The following AMMECR1 variants were observed in gnomAD, a reference collection of about 807,000 sequenced individuals.
AMMECR1 encodes AMMECR nuclear protein 1, also known as nuclear protein AMMECR1.
In AMMECR1, 3 loss-of-function variants were observed where a neutral mutation model predicts 22.5. The ratio of observed to expected loss-of-function variants is 0.13; its 90% CI spans 0.06 to 0.35. The LOEUF (loss-of-function observed/expected upper bound fraction) is 0.35. Ranked by LOEUF, AMMECR1 falls within the 10% of genes least tolerant of loss-of-function variation. The pLI is 1.00. For synonymous variants in AMMECR1, 130 were observed against 116.7 expected (o/e 1.11, Z -0.74); for missense variants, 235 against 278.7 (o/e 0.84, Z 1.12).
At position 110,374,703 on chromosome X, in the gene AMMECR1, T is replaced by TC. The variant is rs35274870; in HGVS notation, c.-148+51954dup. Reference sequence around the variant, plus strand: ...GACTTAGGCTGCATAGAATTTATTTTCGGTGGAGGGTGCAAAGGACAGCTT... The same window carrying TC: ...GACTTAGGCTGCATAGAATTTATTTTCCGGTGGAGGGTGCAAAGGACAGCTT... On this transcript the variant is annotated intron_variant, in intron 2 of 7. Coordinates refer to the AMMECR1 transcript ENST00000372057. Among the ~76,000 whole-genome samples the TC allele has an allele frequency of 2.7e-5, 3 of 111,729 alleles. No individual in the cohort carries two copies. In the East Asian group the frequency reaches 8.4e-4, roughly 31 times the overall value.
chrX:110,425,149 T>A (rs2068744729), intron 2 of AMMECR1, among the ~76,000 whole-genome samples: 1 of 112,177 alleles, frequency 8.9e-6, no homozygotes, highest in South Asian at 3.7e-4. Flanking sequence ...AAAATTAAAA[T>A]CAAGGTTAAT....
intron 3 of AMMECR1, among the ~76,000 whole-genome samples, chrX:110,209,626 C>A (rs1206894649): frequency 9.0e-6 from 1 of 111,656 alleles, no homozygotes; most frequent in Non-Finnish European, 1.9e-5. Flanking sequence ...CTTAAGACTT[C>A]TAAATGGCTA....
At chrX:110,437,748 G>A (rs1180478292) in intron 1 of AMMECR1, among the ~76,000 whole-genome samples, 1 of 111,455 alleles carries the variant, frequency 9.0e-6, no homozygotes, top group Non-Finnish European at 1.9e-5. Context: ...ATCTTAGTGT[G>A]GTCCCCTCCT....
chrX:110,262,695 G>GTA (rs1360602496), intron 2 of AMMECR1, among the ~76,000 whole-genome samples: 2 of 111,913 alleles, frequency 1.8e-5, no homozygotes, highest in Non-Finnish European at 3.8e-5. Flanking sequence ...GATTTCTAAG[G>GTA]TATATAATGT....
At chrX:110,401,819 G>A (rs1228962007) in intron 2 of AMMECR1, among the ~76,000 whole-genome samples, 1 of 112,269 alleles carries the variant, frequency 8.9e-6, no homozygotes, top group Admixed American at 9.4e-5. Flanking sequence ...TCTCCTAGAC[G>A]TGTTGTGAGG....
chrX:110,306,047 C>T (rs182410121), intron 1 of AMMECR1, among the ~76,000 whole-genome samples: 3 of 110,351 alleles, frequency 2.7e-5, no homozygotes, highest in Admixed American at 1.9e-4. Flanking sequence ...TTTGGGAGGC[C>T]GAGGCAGGCG....
intron 3 of AMMECR1, among the ~76,000 whole-genome samples, chrX:110,208,397 C>T (rs1467956331): frequency 1.8e-5 from 2 of 112,319 alleles, no homozygotes; most frequent in East Asian, 5.6e-4. Flanking sequence ...GACCAAAATA[C>T]ATATGTGTTG....
chrX:110,342,966 G>C (rs1317924384), intron 2 of AMMECR1, among the ~76,000 whole-genome samples: 1 of 111,548 alleles, frequency 9.0e-6, no homozygotes, highest in East Asian at 2.8e-4. Flanking sequence ...AATAGAAAAT[G>C]AGGGAATCCT....
chrX:110,404,496 T>G (rs1405919437), intron 2 of AMMECR1, among the ~76,000 whole-genome samples: 1 of 112,089 alleles, frequency 8.9e-6, no homozygotes, highest in East Asian at 2.8e-4. Flanking sequence ...CTGAGCATGC[T>G]GGTTGGTAAT....
intron 2 of AMMECR1, among the ~76,000 whole-genome samples, chrX:110,250,238 G>A (rs2067680342): frequency 9.0e-6 from 1 of 111,588 alleles, no homozygotes; most frequent in South Asian, 3.8e-4. Context: ...TTCTATTCTG[G>A]AATTTGTAAT....
intron 1 of AMMECR1, among the ~76,000 whole-genome samples, chrX:110,274,398 A>AT (rs1039558893): frequency 7.2e-5 from 8 of 110,485 alleles, no homozygotes; most frequent in African/African-American, 1.3e-4. Context: ...TTTTATGTGT[A>AT]TTTTTTTTCT....
upstream of AMMECR1, among the ~76,000 whole-genome samples, chrX:110,321,484 A>G (rs962644672): frequency 3.6e-5 from 4 of 111,797 alleles, no homozygotes; most frequent in Non-Finnish European, 7.5e-5. Context: ...TTTGTTTTAC[A>G]ACTGTGGAAA....
At chrX:110,436,215 C>T (rs1252110971) in intron 1 of AMMECR1, among the ~76,000 whole-genome samples, 1 of 111,818 alleles carries the variant, frequency 8.9e-6, no homozygotes, top group Non-Finnish European at 1.9e-5. Context: ...TGGGTCAGGA[C>T]TTCGAAGGCA....
At chrX:110,426,002 GCACACACA>G (rs201141674) in intron 2 of AMMECR1, among the ~76,000 whole-genome samples, 1 of 107,493 alleles carries the variant, frequency 9.3e-6, no homozygotes, top group Admixed American at 9.9e-5. Context: ...ACACACAAAC[GCACACACA>G]CACACACACA....
At chrX:110,377,361 A>G (rs1331014637) in intron 2 of AMMECR1, among the ~76,000 whole-genome samples, 1 of 111,951 alleles carries the variant, frequency 8.9e-6, no homozygotes, top group African/African-American at 3.3e-5. Context: ...ATAGCGAAAC[A>G]CCGATACCTA....
At chrX:110,236,021 A>T (rs2067599050) in intron 2 of AMMECR1, among the ~76,000 whole-genome samples, 1 of 112,106 alleles carries the variant, frequency 8.9e-6, no homozygotes, top group African/African-American at 3.2e-5. Flanking sequence ...GGACTAGAAA[A>T]AAAAAAGAAA....
intron 2 of AMMECR1, among the ~76,000 whole-genome samples, chrX:110,323,962 A>C (rs1032391965): frequency 3.6e-5 from 4 of 110,775 alleles, no homozygotes; most frequent in African/African-American, 1.3e-4. Context: ...GATGCTATTG[A>C]AGATGGAATA....
At chrX:110,430,482 T>C (rs766339422) in intron 1 of AMMECR1, among the ~76,000 whole-genome samples, 1 of 111,911 alleles carries the variant, frequency 8.9e-6, no homozygotes, top group Non-Finnish European at 1.9e-5. Context: ...CAAGGTCACA[T>C]AGCTAGTGAA....
At chrX:110,320,253 T>C (rs746286619), upstream of AMMECR1, among the ~76,000 whole-genome samples, 2 of 112,011 alleles carry the variant, frequency 1.8e-5, no homozygotes, top group African/African-American at 6.5e-5. Flanking sequence ...ACAACTGGTA[T>C]GTTAGGGTGT....
Sources: gnomAD v4.1 joint callset for allele counts (sites outside exome capture counted in the v4.1 genomes callset) on GRCh38, gnomAD v4.1.1 for gene constraint, MANE v1.5 for transcripts, NCBI Gene and HGNC (gene_info 2026-07-23, HGNC 2026-07-21) for gene names.